Variants in NALF1 observed in about 807,000 individuals in gnomAD.
The protein encoded by NALF1 is family with sequence similarity 155 member A.
Under a neutral mutation model 48.4 loss-of-function variants are expected in NALF1, and 3 were observed. The ratio of observed to expected loss-of-function variants is 0.06; its 90% CI spans 0.03 to 0.16. NALF1 has a LOEUF of 0.16. Among genes scored for constraint, NALF1 ranks in the 10% least tolerant of loss-of-function variants. The pLI, the probability that NALF1 is intolerant of heterozygous loss-of-function variation, is 1.00. For missense variants in NALF1, 526 were observed against 571.5 expected, an observed-to-expected ratio of 0.92 and a Z score of 0.81; for synonymous variants, 262 against 245.7, an observed-to-expected ratio of 1.07 and a Z score of -0.62.
intron 1 of NALF1, among the ~76,000 whole-genome samples, chr13:107,484,530 C>T (rs1275295517): frequency 3.3e-5 from 5 of 152,040 alleles, no homozygotes; most frequent in Non-Finnish European, 7.4e-5. Context: ...AAGTAAAGAA[C>T]AATCAAGACT....
At chr13:107,306,835 C>T (rs934048465) in intron 1 of NALF1, among the ~76,000 whole-genome samples, 3 of 152,048 alleles carry the variant, frequency 2.0e-5, no homozygotes, top group Admixed American at 1.3e-4. Context: ...TATGGTGGTG[C>T]CTGCCTGTAG....
At chr13:107,499,831 AT>A (rs1344887887) in intron 1 of NALF1, among the ~76,000 whole-genome samples, 1 of 151,994 alleles carries the variant, frequency 6.6e-6, no homozygotes, top group African/African-American at 2.4e-5. Context: ...TGACTTTGAG[AT>A]TTGTCCATAC....
At chr13:107,687,100 C>T (rs570480677) in intron 1 of NALF1, among the ~76,000 whole-genome samples, 1 of 152,190 alleles carries the variant, frequency 6.6e-6, no homozygotes, top group Non-Finnish European at 1.5e-5. Flanking sequence ...TGCATATACA[C>T]CATGGAATAC....
intron 1 of NALF1, among the ~76,000 whole-genome samples, chr13:107,652,756 T>C (rs555918898): frequency 1.1e-3 from 173 of 152,160 alleles, no homozygotes; most frequent in African/African-American, 3.8e-3. Context: ...ATTCCAGGAG[T>C]GAGATTTTAC....
At chr13:107,797,359 C>T (rs1878458836) in intron 1 of NALF1, among the ~76,000 whole-genome samples, 2 of 152,156 alleles carry the variant, frequency 1.3e-5, no homozygotes, top group Non-Finnish European at 2.9e-5. Context: ...GCGCCCACCA[C>T]CATGCCCGGC....
chr13:107,335,487 T>C (rs1242026561), intron 1 of NALF1, among the ~76,000 whole-genome samples: 1 of 152,214 alleles, frequency 6.6e-6, no homozygotes, highest in Non-Finnish European at 1.5e-5. Flanking sequence ...AGAAATGACC[T>C]TTTCCATTCT....
chr13:107,492,855 T>C (rs1875189731), intron 1 of NALF1, among the ~76,000 whole-genome samples: 1 of 152,228 alleles, frequency 6.6e-6, no homozygotes, highest in Admixed American at 6.5e-5. Context: ...AATTTTGTTT[T>C]CTTTGAAAAT....
At chr13:107,566,182 AG>A (rs1326484239) in intron 1 of NALF1, among the ~76,000 whole-genome samples, 3 of 152,178 alleles carry the variant, frequency 2.0e-5, no homozygotes, top group African/African-American at 7.2e-5. Flanking sequence ...CTTTTATAAG[AG>A]GCATTTCACA....
chr13:107,327,917 T>G (rs942442151), intron 1 of NALF1, among the ~76,000 whole-genome samples: 4 of 151,176 alleles, frequency 2.6e-5, no homozygotes, highest in Non-Finnish European at 5.9e-5. Context: ...TTAAAAGTGC[T>G]TTACTTTTTC....
intron 2 of NALF1, among the ~76,000 whole-genome samples, chr13:107,208,419 G>C (rs1308390931): frequency 6.6e-6 from 1 of 152,194 alleles, no homozygotes; most frequent in Non-Finnish European, 1.5e-5. Context: ...TGTGAAGTGA[G>C]AGATTTAATT....
chr13:107,816,731 A>C (rs1029683260), intron 1 of NALF1, among the ~76,000 whole-genome samples: 2 of 152,168 alleles, frequency 1.3e-5, no homozygotes, highest in African/African-American at 4.8e-5. Context: ...TTGCTGAACT[A>C]TTGCGTATTG....
chr13:107,613,999 A>T (rs185736370), intron 1 of NALF1, among the ~76,000 whole-genome samples: 1 of 152,312 alleles, frequency 6.6e-6, no homozygotes. Context: ...TGATACTCAG[A>T]AAGGGTAAGT....
At position 107,191,833 on chromosome 13, in the gene NALF1, A is replaced by G. The variant is rs929696177; in HGVS notation, c.1087+18751T>C. On this transcript the variant is annotated intron_variant, in intron 2 of 2. Transcript: ENST00000375915. ...ATTACAGGCTTGTGCCACTATGCCT[A>G]TTTTTTTTTTTTTTTTTTTTGTATT... Among the ~76,000 whole-genome samples the G allele has an allele frequency of 1.7e-4, 19 of 112,188 alleles. No individual in the cohort carries two copies. The East Asian group carries it at 4.8e-3, about 29-fold the overall frequency. 73.6% of individuals were successfully genotyped at this position (112,188 alleles called of 152,430 possible).
intron 1 of NALF1, among the ~76,000 whole-genome samples, chr13:107,589,192 T>C (rs1279972966): frequency 2.0e-5 from 3 of 152,052 alleles, no homozygotes; most frequent in African/African-American, 7.2e-5. Context: ...TTTCTTCTGC[T>C]TTTTAACATT....
intron 1 of NALF1, among the ~76,000 whole-genome samples, chr13:107,334,609 A>G (rs1882523449): frequency 6.6e-6 from 1 of 152,234 alleles, no homozygotes; most frequent in African/African-American, 2.4e-5. Context: ...GAATTTACAA[A>G]AAGTTTTTTC....
intron 1 of NALF1, among the ~76,000 whole-genome samples, chr13:107,726,635 A>G: frequency 7.7e-6 from 1 of 130,718 alleles, no homozygotes; most frequent in African/African-American, 2.9e-5. Flanking sequence ...TTCCAGATGG[A>G]GTCTCACTCT....
chr13:107,711,424 C>A (rs1272739621), intron 1 of NALF1, among the ~76,000 whole-genome samples: 2 of 152,242 alleles, frequency 1.3e-5, no homozygotes, highest in African/African-American at 4.8e-5. Context: ...CAACCTCCAC[C>A]TCCCAGGTTC....
At chr13:107,653,063 G>A (rs1344370300) in intron 1 of NALF1, among the ~76,000 whole-genome samples, 1 of 151,914 alleles carries the variant, frequency 6.6e-6, no homozygotes, top group East Asian at 1.9e-4. Flanking sequence ...CAGAAAAGAT[G>A]GTAAAACACT....
At chr13:107,463,111 T>C (rs1884946202) in intron 1 of NALF1, among the ~76,000 whole-genome samples, 1 of 152,226 alleles carries the variant, frequency 6.6e-6, no homozygotes, top group Non-Finnish European at 1.5e-5. Context: ...AAAAGAACAG[T>C]ACTTTCATCT....
Sources: allele counts gnomAD v4.1 joint callset (sites outside exome capture counted in the v4.1 genomes callset), GRCh38; gene constraint gnomAD v4.1.1; transcripts MANE v1.5; gene names NCBI Gene and HGNC (gene_info 2026-07-23, HGNC 2026-07-21).